UBE2W: variants seen among roughly 807,000 people sequenced by gnomAD.
UBE2W encodes the protein ubiquitin-conjugating enzyme E2 W.
UBE2W carries 18 observed loss-of-function variants against 27.2 expected under a neutral mutation model. The observed-to-expected ratio is 0.66, with a 90% CI of 0.46 to 0.98. The LOEUF is 0.98. Among genes scored for constraint, UBE2W ranks in the 50% least tolerant of loss-of-function variants. The pLI, the probability that UBE2W is intolerant of heterozygous loss-of-function variation, is 0.00. For missense variants in UBE2W, 90 were observed against 180.2 expected, an observed-to-expected ratio of 0.50 and a Z score of 2.87; for synonymous variants, 53 against 57.2, an observed-to-expected ratio of 0.93 and a Z score of 0.33.
At chr8:73,781,621 T>TG (rs1429581185), downstream of UBE2W, among the ~76,000 whole-genome samples, 151 of 133,322 alleles carry the variant, frequency 1.1e-3, 1 homozygote, top group South Asian at 0.013. Flanking sequence ...AGGTTTGGGT[T>TG]TTTTTTTTTT....
chr8:73,781,194 T>G (rs1236339693), intron 4 of UBE2W, among the ~76,000 whole-genome samples: 1 of 144,620 alleles, frequency 6.9e-6, no homozygotes, highest in Non-Finnish European at 1.5e-5. Flanking sequence ...TGCTTGAACC[T>G]GGGAGGCGGA....
rs546286308 is a variant in UBE2W at position 73,847,863 on chromosome 8, T to C, written c.16-17391A>G. ...GTTGCCATGAGCCAAGATTGTGCCA[T>C]TGAACTCCAGCCTAGGCAACAAGAG... On this transcript the variant is annotated intron_variant, in intron 1 of 5. Coordinates refer to ENST00000602593, the MANE Select transcript of UBE2W (RefSeq NM_018299.6). Among the ~76,000 whole-genome samples the C allele has an allele frequency of 4.6e-5, 7 of 151,390 alleles. No homozygotes were observed. In the South Asian group the frequency reaches 6.3e-4, roughly 14 times the overall value.
At chr8:73,814,003 G>C (rs899797120) in intron 3 of UBE2W, among the ~76,000 whole-genome samples, 2 of 152,056 alleles carry the variant, frequency 1.3e-5, no homozygotes, top group African/African-American at 4.8e-5. Context: ...AAAGTGCTGG[G>C]GTTACAGGCA....
rs1165087695 is a variant in UBE2W at position 73,786,961 on chromosome 8, T to C, written c.*7141A>G. On this transcript the variant is annotated 3_prime_UTR_variant, in exon 6 of 6. Transcript: ENST00000602593. ...GCTATCTGCAGGATACAGCCATCTA[T>C]ATTAGGATCTTGTCTAATGACATAT... is the stretch of plus-strand genomic sequence containing the variant. 1 of 985,348 alleles carries C rather than the reference T, an allele frequency of 1.0e-6. No individual in the cohort carries two copies. The allele number at this position is 985,348 out of a possible 1,614,324, so 61.0% of individuals were successfully genotyped here.
rs537231261 is a variant in UBE2W, at chr8:73,855,579, A to AT, written c.15+23228dup. Among the ~76,000 whole-genome samples, 58 of 150,584 alleles carry AT rather than the reference A, an allele frequency of 3.9e-4. No homozygotes were observed. In the East Asian group the frequency reaches 7.6e-3, roughly 20 times the overall value. ...ACCACACCCAGCTAATTTTTTTTGT[A>AT]TTTTTTGGTAGACATGGAGTTTCAC... On this transcript the variant is annotated intron_variant, in intron 1 of 5. Coordinates refer to ENST00000602593, the MANE Select transcript of UBE2W (RefSeq NM_018299.6).
At chr8:73,870,860 A>G (rs540876560) in intron 1 of UBE2W, among the ~76,000 whole-genome samples, 1 of 150,898 alleles carries the variant, frequency 6.6e-6, no homozygotes, top group East Asian at 2.0e-4. Flanking sequence ...AGCCATCCAG[A>G]TCATCCAGAT....
intron 5 of UBE2W, chr8:73,796,789 A>G (rs1477570172): frequency 6.4e-6 from 2 of 312,922 alleles, no homozygotes; most frequent in Non-Finnish European, 9.3e-6. Flanking sequence ...GGCCATAACT[A>G]AGAAGCAAAA....
chr8:73,872,391 A>C (rs1015803769), intron 1 of UBE2W, among the ~76,000 whole-genome samples: 1 of 152,208 alleles, frequency 6.6e-6, no homozygotes, highest in Non-Finnish European at 1.5e-5. Context: ...AATAATTTAA[A>C]ATTCATATTT....
chr8:73,858,081 C>G (rs928166417), intron 1 of UBE2W, among the ~76,000 whole-genome samples: 2 of 151,998 alleles, frequency 1.3e-5, no homozygotes, highest in African/African-American at 4.8e-5. Flanking sequence ...AAAAGTTAGG[C>G]AAGGCATGGT....
intron 5 of UBE2W, among the ~76,000 whole-genome samples, chr8:73,800,422 A>C (rs536006198): frequency 6.6e-6 from 1 of 152,288 alleles, no homozygotes; most frequent in Admixed American, 6.5e-5. Context: ...TGAACCAAGG[A>C]TATTTTAAAC....
At chr8:73,785,851 CG>C (rs1563559361), downstream of UBE2W, among the ~76,000 whole-genome samples, 1 of 152,228 alleles carries the variant, frequency 6.6e-6, no homozygotes, top group Non-Finnish European at 1.5e-5. Context: ...GGATTACAGG[CG>C]TAAGCCACTG....
intron 2 of UBE2W, among the ~76,000 whole-genome samples, chr8:73,826,366 T>C (rs114526095): frequency 6.6e-6 from 1 of 152,310 alleles, no homozygotes; most frequent in African/African-American, 2.4e-5. Flanking sequence ...TTCCTAATTA[T>C]AGCTCTGTCA....
At position 73,794,022 on chromosome 8, in the gene UBE2W, T is replaced by A; in HGVS notation, c.*80A>T. The A allele has an allele frequency of 6.3e-7, 1 of 1,597,986 alleles. No homozygotes were observed. Among genetic ancestry groups the A allele is most frequent in the Non-Finnish European group, 8.5e-7 (1 of 1,173,192 alleles). ...CTATAGGTCACTTCCAGTCAAAGGTTAAAGTTCAAAGACTGAATGATCAAA... is the reference window on the plus strand; with the variant it reads ...CTATAGGTCACTTCCAGTCAAAGGTAAAAGTTCAAAGACTGAATGATCAAA... On this transcript the variant is annotated 3_prime_UTR_variant, in exon 6 of 6. Transcript: ENST00000602593.
At chr8:73,823,501 T>C (rs1207896156) in intron 3 of UBE2W, among the ~76,000 whole-genome samples, 1 of 152,186 alleles carries the variant, frequency 6.6e-6, no homozygotes, top group Non-Finnish European at 1.5e-5. Context: ...TTGAACTTAG[T>C]TGAAGGTAGA....
Position 73,787,520 on chromosome 8 carries a change from G to C in UBE2W, c.*6582C>G. 1 of 985,436 alleles carries C rather than the reference G, an allele frequency of 1.0e-6. No homozygotes were observed. The highest frequency in any genetic ancestry group is 1.2e-6 in the Non-Finnish European group (1 of 829,936). 61.0% of individuals were successfully genotyped at this position (985,436 alleles called of 1,614,324 possible). A position where few individuals can be genotyped will look rare whatever the true frequency, so the allele number is the denominator to read the frequency against. ...TTGTGTAGGACGGCAGGAACAGCTT[G>C]AGACATGATCGTTTTTATGGCAGAA... is the stretch of plus-strand genomic sequence containing the variant. On this transcript the variant is annotated 3_prime_UTR_variant, in exon 6 of 6. Coordinates refer to ENST00000602593, the MANE Select transcript of UBE2W (RefSeq NM_018299.6).
intron 1 of UBE2W, among the ~76,000 whole-genome samples, chr8:73,878,462 C>T (rs1037633788): frequency 4.3e-4 from 66 of 152,316 alleles, no homozygotes; most frequent in African/African-American, 1.5e-3. Context: ...GTAAAGGCAA[C>T]CCTGGGGCTG....
chr8:73,858,700 A>C (rs1038624410), intron 1 of UBE2W, among the ~76,000 whole-genome samples: 10 of 145,770 alleles, frequency 6.9e-5, no homozygotes, highest in Non-Finnish European at 1.5e-4. Context: ...AAAAAAAAAA[A>C]AGCAGCAGCT....
intron 1 of UBE2W, chr8:73,870,241 G>C (rs767334943): frequency 6.3e-7 from 1 of 1,579,318 alleles, no homozygotes; most frequent in East Asian, 2.3e-5. Flanking sequence ...AAGTTTTGAA[G>C]AGGATTGGCA....
chr8:73,802,434 T>C (rs963800970), intron 5 of UBE2W, among the ~76,000 whole-genome samples: 5 of 152,202 alleles, frequency 3.3e-5, no homozygotes, highest in Middle Eastern at 3.4e-3. Context: ...CATTTCAAAA[T>C]TTTTTCAAAC....
Sources: gnomAD v4.1 joint callset for allele counts (sites outside exome capture counted in the v4.1 genomes callset) on GRCh38, gnomAD v4.1.1 for gene constraint, MANE v1.5 for transcripts, NCBI Gene and HGNC (gene_info 2026-07-23, HGNC 2026-07-21) for gene names.